Variants in APBB2 observed in about 807,000 individuals in gnomAD.
APBB2 encodes Fe65-like 1.
A neutral mutation model predicts 82.5 loss-of-function variants in APBB2; 38 were observed. The ratio of observed to expected loss-of-function variants is 0.46; its 90% CI spans 0.36 to 0.60. The LOEUF is 0.60. Among genes scored for constraint, APBB2 ranks in the 20% least tolerant of loss-of-function variants. APBB2 has a pLI of 0.00. For missense variants in APBB2, 772 were observed against 972.3 expected (o/e 0.79, Z 2.74); for synonymous variants, 341 against 368.2 (o/e 0.93, Z 0.85).
At chr4:40,851,738 ATTTTT>A (rs869027470) in intron 12 of APBB2, among the ~76,000 whole-genome samples, 151 of 67,732 alleles carry the variant, frequency 2.2e-3, no homozygotes, top group African/African-American at 3.0e-3. Flanking sequence ...ATATATATAT[ATTTTT>A]TTTTTTTTTT....
chr4:40,967,833 A>T (rs1232896771), intron 6 of APBB2, among the ~76,000 whole-genome samples: 19 of 152,274 alleles, frequency 1.2e-4, no homozygotes, highest in Admixed American at 1.2e-3. Flanking sequence ...ACCTCCAAGG[A>T]TCCTGTGACA....
chr4:40,979,333 T>A (rs149933957), intron 6 of APBB2, among the ~76,000 whole-genome samples: 15 of 152,198 alleles, frequency 9.9e-5, no homozygotes, highest in African/African-American at 3.6e-4. Context: ...GATTCCTGCA[T>A]CCTGATGCAC....
At chr4:40,896,812 G>A (rs1293151813) in intron 10 of APBB2, among the ~76,000 whole-genome samples, 1 of 152,142 alleles carries the variant, frequency 6.6e-6, no homozygotes, top group Non-Finnish European at 1.5e-5. Flanking sequence ...TCAAAATTCT[G>A]GTGAATTCGG....
chr4:40,885,271 T>C lies in APBB2; in HGVS notation c.1529+5093A>G, dbSNP rs551059860. 2.4e-4 allele frequency among the ~76,000 whole-genome samples: 37 copies of C among 152,226 alleles called. No homozygotes were observed. In the South Asian group the frequency reaches 6.4e-3, roughly 26 times the overall value. ...AGAAAGTCACAATAAGCTAACAGAA[T>C]GTAGAGGAGGGGTCAGCCCATTAAA... On this transcript the variant is annotated intron_variant, in intron 12 of 17. Transcript: ENST00000508593.
At chr4:41,109,554 T>TC (rs1481461398) in intron 2 of APBB2, among the ~76,000 whole-genome samples, 9 of 152,306 alleles carry the variant, frequency 5.9e-5, no homozygotes, top group African/African-American at 9.6e-5. Flanking sequence ...CACTGCAACC[T>TC]CCGCCTCCTA....
intron 2 of APBB2, among the ~76,000 whole-genome samples, chr4:41,129,468 G>T (rs1183700987): frequency 6.6e-6 from 1 of 152,174 alleles, no homozygotes; most frequent in African/African-American, 2.4e-5. Context: ...GTCTAGACTT[G>T]GCTGAAAAGG....
rs1560860217 is a variant in APBB2 at position 40,907,345 on chromosome 4, T to TTATA, written c.1255-13935_1255-13934insTATA. Among the ~76,000 whole-genome samples, 51 of 104,950 alleles carry TTATA rather than the reference T, an allele frequency of 4.9e-4. 2 individuals carry two copies. The highest frequency in any genetic ancestry group is 5.6e-4 in the Non-Finnish European group (31 of 55,846). 68.9% of individuals were successfully genotyped at this position (104,950 alleles called of 152,430 possible). On this transcript the variant is annotated intron_variant, in intron 10 of 17. Coordinates refer to ENST00000508593, the MANE Select transcript of APBB2 (RefSeq NM_004307.2). ...GCTTTATTTAATTTAATTTAATATA[T>TTATA]TACATATATATATATATATATATAT...
intron 12 of APBB2, chr4:40,879,971 C>T: frequency 1.0e-6 from 1 of 978,444 alleles, no homozygotes; most frequent in Non-Finnish European, 1.2e-6. Flanking sequence ...GGATTACAGG[C>T]ATGAGCCACT....
At chr4:40,866,973 C>T (rs1462085009) in intron 12 of APBB2, among the ~76,000 whole-genome samples, 3 of 152,158 alleles carry the variant, frequency 2.0e-5, no homozygotes, top group African/African-American at 7.2e-5. Flanking sequence ...TCAGGCTGGT[C>T]TCGAACTCCT....
intron 1 of APBB2, among the ~76,000 whole-genome samples, chr4:41,192,955 G>A (rs933538278): frequency 2.6e-5 from 4 of 151,956 alleles, no homozygotes; most frequent in Non-Finnish European, 4.4e-5. Flanking sequence ...CAAGTCACTC[G>A]CCAAGTGGGG....
At chr4:41,019,585 G>T (rs1199039294) in intron 5 of APBB2, among the ~76,000 whole-genome samples, 4 of 152,202 alleles carry the variant, frequency 2.6e-5, no homozygotes, top group Non-Finnish European at 4.4e-5. Flanking sequence ...CAGAGGGGAA[G>T]GTGATGAAGT....
At chr4:41,019,315 C>T (rs780990011) in intron 5 of APBB2, among the ~76,000 whole-genome samples, 10 of 152,024 alleles carry the variant, frequency 6.6e-5, no homozygotes, top group South Asian at 2.1e-4. Context: ...GTAGAATCCA[C>T]GTGATGAGAG....
intron 3 of APBB2, among the ~76,000 whole-genome samples, chr4:41,077,209 C>G (rs1423141468): frequency 6.8e-6 from 1 of 146,796 alleles, no homozygotes; most frequent in Admixed American, 6.9e-5. Context: ...TAAGGACTCA[C>G]TATGTTGCCC....
chr4:41,062,071 G>C lies in APBB2; in HGVS notation c.-51+3505C>G, dbSNP rs1395869839. Among the ~76,000 whole-genome samples, 11 of 152,352 alleles carry C rather than the reference G, an allele frequency of 7.2e-5. No homozygotes were observed. The East Asian group carries it at 1.7e-3, about 24-fold the overall frequency. Reference sequence around the variant, plus strand: ...AAATTGGCTTTCCTGCCTTATGTGAGGGCAGCAAGGGCTGCTAAGGTTAAC... The same window carrying C: ...AAATTGGCTTTCCTGCCTTATGTGACGGCAGCAAGGGCTGCTAAGGTTAAC... On this transcript the variant is annotated intron_variant, in intron 4 of 17. Coordinates refer to ENST00000508593, the MANE Select transcript of APBB2 (RefSeq NM_004307.2).
chr4:40,880,267 T>C (rs1433622865), intron 12 of APBB2: 2 of 985,334 alleles, frequency 2.0e-6, no homozygotes, highest in East Asian at 2.3e-4. Flanking sequence ...TGAGACTCCT[T>C]GAGTTCCACC....
At chr4:41,207,521 T>C (rs1248560069) in intron 1 of APBB2, among the ~76,000 whole-genome samples, 1 of 152,214 alleles carries the variant, frequency 6.6e-6, no homozygotes, top group Non-Finnish European at 1.5e-5. Flanking sequence ...AATGTCAAGA[T>C]ACATCTTGAG....
intron 10 of APBB2, among the ~76,000 whole-genome samples, chr4:40,922,139 C>T (rs114476096): frequency 0.015 from 2,272 of 152,270 alleles, 60 homozygotes; most frequent in African/African-American, 0.052. Context: ...TGTGTTAGGG[C>T]TTAGTGAACT....
At chr4:40,924,067 G>C (rs1013485806) in intron 10 of APBB2, among the ~76,000 whole-genome samples, 2 of 152,200 alleles carry the variant, frequency 1.3e-5, no homozygotes, top group South Asian at 2.1e-4. Context: ...GCCTGGCTTC[G>C]GGTCCTGCTC....
intron 1 of APBB2, among the ~76,000 whole-genome samples, chr4:41,180,973 A>T (rs1017969327): frequency 1.3e-5 from 2 of 152,212 alleles, no homozygotes; most frequent in Non-Finnish European, 2.9e-5. Context: ...CATTTGATCA[A>T]ATGAATCCTA....
Sources: gnomAD v4.1 joint callset for allele counts (sites outside exome capture counted in the v4.1 genomes callset) on GRCh38, gnomAD v4.1.1 for gene constraint, MANE v1.5 for transcripts, NCBI Gene and HGNC (gene_info 2026-07-23, HGNC 2026-07-21) for gene names.